Variants in PHACTR3 observed in about 807,000 individuals in gnomAD.
PHACTR3 encodes the protein protein phosphatase 1, regulatory subunit 123.
PHACTR3 carries 16 observed loss-of-function variants against 66.8 expected under a neutral mutation model. The ratio of observed to expected loss-of-function variants is 0.24; its 90% CI spans 0.16 to 0.36. The LOEUF is 0.36. PHACTR3 is among the 10% of genes least tolerant of loss of function. The probability of loss-of-function intolerance (pLI) is 1.00; values close to 1 mark genes in which losing one functional copy is unlikely to be tolerated. For missense variants in PHACTR3, 647 were observed against 719.9 expected, an observed-to-expected ratio of 0.90 and a Z score of 1.16; for synonymous variants, 323 against 292.1, an observed-to-expected ratio of 1.11 and a Z score of -1.08.
At position 59,748,160 on chromosome 20, in the gene PHACTR3, T is replaced by C. The variant is rs138200831; in HGVS notation, c.358+325T>C. Among the ~76,000 whole-genome samples the C allele has an allele frequency of 2.6e-4, 39 of 152,320 alleles. No homozygotes were observed. In the East Asian group the frequency reaches 7.3e-3, roughly 29 times the overall value. On this transcript the variant is annotated intron_variant, in intron 3 of 12. Transcript: ENST00000371015. ...CTTTAAAGTGGTAGCAGTGGTTTTT[T>C]CAGCATTAATTTTTTTTTCATATTC... is the stretch of plus-strand genomic sequence containing the variant.
chr20:59,600,455 C>A (rs539341438), upstream of PHACTR3, among the ~76,000 whole-genome samples: 1 of 152,126 alleles, frequency 6.6e-6, no homozygotes, highest in African/African-American at 2.4e-5. Context: ...TTGGTCTGTA[C>A]CTGCTTTAAG....
At chr20:59,757,626 T>C (rs758479870) in intron 4 of PHACTR3, among the ~76,000 whole-genome samples, 14 of 151,882 alleles carry the variant, frequency 9.2e-5, no homozygotes, top group Non-Finnish European at 1.5e-4. Context: ...GGTGAAAGGG[T>C]GGGGCTCTTG....
chr20:59,782,261 G>GT (rs1419214297), intron 7 of PHACTR3, among the ~76,000 whole-genome samples: 1 of 152,080 alleles, frequency 6.6e-6, no homozygotes, highest in Non-Finnish European at 1.5e-5. Flanking sequence ...TTTTTGTTTT[G>GT]TTTTTTCTAA....
At chr20:59,750,657 C>A (rs977433323) in intron 3 of PHACTR3, among the ~76,000 whole-genome samples, 2 of 151,476 alleles carry the variant, frequency 1.3e-5, no homozygotes, top group African/African-American at 4.9e-5. Context: ...GCTGCGGGAG[C>A]CTGGGGCGGC....
intron 1 of PHACTR3, among the ~76,000 whole-genome samples, chr20:59,652,971 C>T (rs1405860711): frequency 6.6e-6 from 1 of 151,996 alleles, no homozygotes; most frequent in Non-Finnish European, 1.5e-5. Context: ...CGAGCACTAA[C>T]GGTTGCCTAT....
At chr20:59,620,628 A>G (rs1396274894) in intron 1 of PHACTR3, among the ~76,000 whole-genome samples, 1 of 152,198 alleles carries the variant, frequency 6.6e-6, no homozygotes, top group Non-Finnish European at 1.5e-5. Flanking sequence ...GGAGATCCCT[A>G]GGTCAGTTGG....
chr20:59,821,975 G>GCAGCGATCCCACCCCTTCCC (rs1190560190), intron 8 of PHACTR3, among the ~76,000 whole-genome samples: 107 of 56,540 alleles, frequency 1.9e-3, no homozygotes, highest in African/African-American at 9.7e-3. Flanking sequence ...TACCCTTTCT[G>GCAGCGATCCCACCCCTTCCC]CAGCGATCCC....
chr20:59,606,511 C>T (rs2033676244), intron 1 of PHACTR3, among the ~76,000 whole-genome samples: 1 of 150,222 alleles, frequency 6.7e-6, no homozygotes, highest in African/African-American at 2.4e-5. Flanking sequence ...TTAATTAATC[C>T]TTTTACTAGG....
intron 8 of PHACTR3, among the ~76,000 whole-genome samples, chr20:59,808,530 C>T (rs368910549): frequency 1.3e-4 from 20 of 152,318 alleles, no homozygotes; most frequent in East Asian, 9.7e-4. Flanking sequence ...GCCCCTAGTC[C>T]GCTCCTTCCC....
chr20:59,773,014 C>A (rs545833533), intron 5 of PHACTR3, among the ~76,000 whole-genome samples: 1 of 152,250 alleles, frequency 6.6e-6, no homozygotes, highest in African/African-American at 2.4e-5. Flanking sequence ...AGCCCAGCGC[C>A]CTGCAGGGAG....
chr20:59,810,254 C>G (rs186500433), intron 8 of PHACTR3, among the ~76,000 whole-genome samples: 67 of 152,314 alleles, frequency 4.4e-4, no homozygotes, highest in Admixed American at 8.5e-4. Context: ...CAAACGCCCC[C>G]CTATGTAAGA....
intron 1 of PHACTR3, among the ~76,000 whole-genome samples, chr20:59,627,816 G>C (rs995810695): frequency 6.6e-6 from 1 of 152,048 alleles, no homozygotes; most frequent in Admixed American, 6.5e-5. Context: ...ATAAATATAT[G>C]TATATTCTAG....
intron 1 of PHACTR3, among the ~76,000 whole-genome samples, chr20:59,624,435 T>C (rs1346464071): frequency 3.3e-5 from 5 of 152,194 alleles, no homozygotes; most frequent in Non-Finnish European, 7.3e-5. Context: ...TTGACGCATC[T>C]GCCATGAAGC....
chr20:59,772,748 A>G (rs2040400974), intron 5 of PHACTR3, among the ~76,000 whole-genome samples: 1 of 152,314 alleles, frequency 6.6e-6, no homozygotes, highest in South Asian at 2.1e-4. Flanking sequence ...GAGTGATCCA[A>G]TTCACCTTCT....
chr20:59,839,192 T>C (rs939095068), intron 9 of PHACTR3, among the ~76,000 whole-genome samples: 3 of 152,216 alleles, frequency 2.0e-5, no homozygotes, highest in Non-Finnish European at 4.4e-5. Context: ...ACAATGTCTC[T>C]CTAATTGTAT....
At chr20:59,609,945 A>G (rs893799997) in intron 1 of PHACTR3, among the ~76,000 whole-genome samples, 3 of 152,234 alleles carry the variant, frequency 2.0e-5, no homozygotes, top group Non-Finnish European at 4.4e-5. Context: ...TCATTATAGA[A>G]AATGGATGCT....
At chr20:59,582,438 TTCTC>T (rs746272633) in intron 1 of PHACTR3, among the ~76,000 whole-genome samples, 3 of 152,152 alleles carry the variant, frequency 2.0e-5, no homozygotes, top group Non-Finnish European at 4.4e-5. Flanking sequence ...GTACAAGTGT[TTCTC>T]TATAAGGCAC....
At chr20:59,810,068 C>T (rs904598480) in intron 8 of PHACTR3, among the ~76,000 whole-genome samples, 1 of 146,924 alleles carries the variant, frequency 6.8e-6, no homozygotes. Context: ...AATTAAAATA[C>T]TAAGTGAATT....
At chr20:59,731,469 T>A (rs2038760340) in intron 1 of PHACTR3, among the ~76,000 whole-genome samples, 1 of 152,192 alleles carries the variant, frequency 6.6e-6, no homozygotes, top group Non-Finnish European at 1.5e-5. Context: ...TTCCTCATCC[T>A]CTTCATGTTT....
Sources: gnomAD v4.1 joint callset for allele counts (sites outside exome capture counted in the v4.1 genomes callset) on GRCh38, gnomAD v4.1.1 for gene constraint, MANE v1.5 for transcripts, NCBI Gene and HGNC (gene_info 2026-07-23, HGNC 2026-07-21) for gene names.